CSMD2: variants seen among roughly 807,000 people sequenced by gnomAD.
The protein encoded by CSMD2 is CUB and sushi domain-containing protein 2.
CSMD2 carries 130 observed loss-of-function variants against 398.5 expected under a neutral mutation model. That is an observed-to-expected ratio of 0.33 (90% CI 0.28 to 0.38). The LOEUF (loss-of-function observed/expected upper bound fraction) is 0.38. Ranked by LOEUF, CSMD2 falls within the 10% of genes least tolerant of loss-of-function variation. The pLI is 1.00. For synonymous variants in CSMD2, 1,828 were observed against 1,908.5 expected, an observed-to-expected ratio of 0.96 and a Z score of 1.10; for missense variants, 3,829 against 4,764.9, an observed-to-expected ratio of 0.80 and a Z score of 5.78.
At chr1:33,696,081 A>T (rs1645411360) in intron 24 of CSMD2, among the ~76,000 whole-genome samples, 1 of 152,220 alleles carries the variant, frequency 6.6e-6, no homozygotes, top group South Asian at 2.1e-4. Flanking sequence ...CACATTATAG[A>T]TGCTTAACGT....
intron 5 of CSMD2, among the ~76,000 whole-genome samples, chr1:33,902,763 G>C (rs1328199191): frequency 6.6e-6 from 1 of 152,178 alleles, no homozygotes; most frequent in East Asian, 1.9e-4. Flanking sequence ...GGAGGCTACA[G>C]ATAAGGCTTA....
rs141982412 is a variant in CSMD2, at chr1:34,066,686, C to T, written c.404+22291G>A. ...CTAGCCTAGGGAGGCAGGGGTCTGG[C>T]GGGCTTGGACGCAGCAGGATGTGGA... On this transcript the variant is annotated intron_variant, in intron 2 of 70. Transcript: ENST00000373381. 1.2e-4 allele frequency among the ~76,000 whole-genome samples: 19 copies of T among 152,118 alleles called. No homozygotes were observed. In the East Asian group the frequency reaches 3.1e-3, roughly 25 times the overall value.
intron 5 of CSMD2, among the ~76,000 whole-genome samples, chr1:33,914,742 C>T (rs1643638260): frequency 6.6e-6 from 1 of 152,192 alleles, no homozygotes; most frequent in African/African-American, 2.4e-5. Context: ...TTGGCCACTC[C>T]AGTGATGGGC....
chr1:33,622,496 A>G (rs1248616216), intron 36 of CSMD2, among the ~76,000 whole-genome samples: 4 of 152,224 alleles, frequency 2.6e-5, no homozygotes. Context: ...TAAGATGAGC[A>G]GTGGCAGAGC....
At position 33,866,501 on chromosome 1, in the gene CSMD2, A is replaced by G. The variant is rs77342822; in HGVS notation, c.921-19505T>C. ...GCAAAATTCCCGTTCCGCATTCCCC[A>G]CAGCTGCTATTCCAACTTGGCTCTG... On this transcript the variant is annotated intron_variant, in intron 5 of 70. Coordinates refer to ENST00000373381, the MANE Select transcript of CSMD2 (RefSeq NM_001281956.2). Among the ~76,000 whole-genome samples the G allele has an allele frequency of 3.5e-3, 534 of 152,344 alleles. 3 individuals are homozygous for G. The highest frequency in any genetic ancestry group is 0.012 in the African/African-American group (514 of 41,574).
At chr1:33,997,115 G>A (rs1042981967) in intron 3 of CSMD2, among the ~76,000 whole-genome samples, 14 of 152,140 alleles carry the variant, frequency 9.2e-5, no homozygotes, top group African/African-American at 3.4e-4. Flanking sequence ...CTCTCTGCAG[G>A]GCTCAGACCT....
chr1:33,915,140 A>C (rs1014857948), intron 5 of CSMD2, among the ~76,000 whole-genome samples: 6 of 151,982 alleles, frequency 3.9e-5, no homozygotes, highest in Non-Finnish European at 8.8e-5. Context: ...TGTCTTCTTG[A>C]TAGGTGAAGG....
At chr1:33,620,806 C>CT (rs34986869) in intron 37 of CSMD2, among the ~76,000 whole-genome samples, 5,220 of 91,826 alleles carry the variant, frequency 0.057, 339 homozygotes, top group African/African-American at 0.16. Context: ...TGTCCTGGGT[C>CT]TTTTTTTTTT....
Position 33,610,633 on chromosome 1 carries a change from C to T in CSMD2, c.6343+408G>A, listed in dbSNP as rs1640933531. On this transcript the variant is annotated intron_variant, in intron 41 of 70. Coordinates refer to ENST00000373381, the MANE Select transcript of CSMD2 (RefSeq NM_001281956.2). ...GGGACTGTTACTAGAATCCTCCATCCTGTCATAGGAAGAGCTTTGCTGAGA... is the reference window on the plus strand; with the variant it reads ...GGGACTGTTACTAGAATCCTCCATCTTGTCATAGGAAGAGCTTTGCTGAGA... Among the ~76,000 whole-genome samples, 5 of 152,178 alleles carry T rather than the reference C, an allele frequency of 3.3e-5. No homozygotes were observed. In the South Asian group the frequency reaches 1.0e-3, roughly 32 times the overall value.
At chr1:33,668,496 T>C (rs1399290108) in intron 25 of CSMD2, among the ~76,000 whole-genome samples, 3 of 152,178 alleles carry the variant, frequency 2.0e-5, no homozygotes, top group Non-Finnish European at 2.9e-5. Flanking sequence ...AAGACTCTTA[T>C]TGAATACTTA....
chr1:33,595,141 T>G (rs916576909), intron 44 of CSMD2, among the ~76,000 whole-genome samples: 1 of 152,262 alleles, frequency 6.6e-6, no homozygotes, highest in African/African-American at 2.4e-5. Flanking sequence ...ATTGATCCAG[T>G]TCAGAATCAC....
chr1:33,907,286 T>C (rs942472588), intron 5 of CSMD2, among the ~76,000 whole-genome samples: 137 of 121,746 alleles, frequency 1.1e-3, no homozygotes, highest in African/African-American at 3.2e-3. Context: ...GCCCAGCTAA[T>C]TTTTTTTTTT....
intron 1 of CSMD2, among the ~76,000 whole-genome samples, chr1:34,133,853 G>A (rs767269997): frequency 4.0e-5 from 6 of 151,768 alleles, no homozygotes; most frequent in African/African-American, 7.3e-5. Flanking sequence ...GGCGGATCAC[G>A]AGGTCAGGAG....
chr1:33,699,464 C>T (rs1159439128), intron 23 of CSMD2, among the ~76,000 whole-genome samples: 2 of 152,188 alleles, frequency 1.3e-5, no homozygotes, highest in Non-Finnish European at 2.9e-5. Flanking sequence ...GTATAATTAT[C>T]TGCATTTTAC....
At chr1:33,550,814 A>G (rs1019348263) in intron 55 of CSMD2, among the ~76,000 whole-genome samples, 3 of 152,068 alleles carry the variant, frequency 2.0e-5, no homozygotes, top group South Asian at 2.1e-4. Context: ...GTTGTCCCCA[A>G]CCTGTCCCTC....
At chr1:33,756,803 C>G (rs1472908999) in intron 13 of CSMD2, among the ~76,000 whole-genome samples, 1 of 152,156 alleles carries the variant, frequency 6.6e-6, no homozygotes, top group African/African-American at 2.4e-5. Flanking sequence ...CATCCCATTA[C>G]TGGGTATATA....
intron 3 of CSMD2, among the ~76,000 whole-genome samples, chr1:33,986,870 T>A (rs1646377469): frequency 6.6e-6 from 1 of 152,174 alleles, no homozygotes; most frequent in Admixed American, 6.5e-5. Flanking sequence ...ATGCAGCCCC[T>A]GATTGCAATG....
chr1:33,776,719 A>G (rs1451380584), intron 12 of CSMD2, among the ~76,000 whole-genome samples: 1 of 152,000 alleles, frequency 6.6e-6, no homozygotes, highest in Admixed American at 6.6e-5. Context: ...ATGGAAGACA[A>G]CGGGGCAAAG....
intron 1 of CSMD2, among the ~76,000 whole-genome samples, chr1:34,155,079 T>C (rs1040713179): frequency 6.6e-6 from 1 of 152,148 alleles, no homozygotes; most frequent in Admixed American, 6.5e-5. Context: ...TGAGTACTTA[T>C]TGGGATTGGG....
Sources: allele counts gnomAD v4.1 joint callset (sites outside exome capture counted in the v4.1 genomes callset), GRCh38; gene constraint gnomAD v4.1.1; transcripts MANE v1.5; gene names NCBI Gene and HGNC (gene_info 2026-07-23, HGNC 2026-07-21).